The following KIF13B variants were observed in gnomAD, a reference collection of about 807,000 sequenced individuals.
KIF13B encodes kinesin family member 13B, also known as kinesin-like protein KIF13B.
Under a neutral mutation model 222.0 loss-of-function variants are expected in KIF13B, and 127 were observed. That is an observed-to-expected ratio of 0.57 (90% CI 0.50 to 0.66). The LOEUF (loss-of-function observed/expected upper bound fraction) is 0.66. KIF13B is among the 30% of genes least tolerant of loss of function. The pLI, the probability that KIF13B is intolerant of heterozygous loss-of-function variation, is 0.00. For synonymous variants in KIF13B, 976 were observed against 919.0 expected, an observed-to-expected ratio of 1.06 and a Z score of -1.12; for missense variants, 2,173 against 2,379.0, an observed-to-expected ratio of 0.91 and a Z score of 1.80.
intron 6 of KIF13B, 91 bp from the exon 7 acceptor site, chr8:29,182,097 CAAGA>C (rs1812738088): frequency 1.1e-6 from 1 of 909,194 alleles, no homozygotes; most frequent in African/African-American, 1.7e-5. Context: ...ACAATGAATC[CAAGA>C]AAGACCCCAA....
chr8:29,181,607 G>A (rs1812715848), intron 7 of KIF13B, among the ~76,000 whole-genome samples: 1 of 152,114 alleles, frequency 6.6e-6, no homozygotes, highest in African/African-American at 2.4e-5. Context: ...AACTGCAAAA[G>A]GAAGTATAAG....
chr8:29,077,401 T>C (rs1312603205), intron 37 of KIF13B, among the ~76,000 whole-genome samples: 2 of 152,252 alleles, frequency 1.3e-5, no homozygotes, highest in African/African-American at 2.4e-5. Context: ...TTTCTGCCTA[T>C]AGTATTTAAC....
chr8:29,204,104 G>A (rs1467503404), intron 2 of KIF13B, among the ~76,000 whole-genome samples: 1 of 152,036 alleles, frequency 6.6e-6, no homozygotes, highest in African/African-American at 2.4e-5. Flanking sequence ...TTATTTAAAT[G>A]TAGAAAAAAG....
Position 29,148,629 on chromosome 8 carries a change from A to T in KIF13B, c.1761T>A (p.Phe587Leu). 1 of 1,612,822 alleles carries T rather than the reference A, an allele frequency of 6.2e-7. No individual in the cohort carries two copies. The highest frequency in any genetic ancestry group is 8.5e-7 in the Non-Finnish European group (1 of 1,179,442). The change falls in exon 16 of 40, where the codon TTT becomes TTA. Residue 587 changes from phenylalanine (F) to leucine (L), a missense_variant. By Grantham distance (22) the Phe-to-Leu change is conservative. Around this residue, in one of 2 missense-constraint regions of KIF13B, gnomAD observed 1,480 missense variants for 1,722.8 expected, o/e 0.86. Coordinates refer to ENST00000524189, the MANE Select transcript of KIF13B (RefSeq NM_015254.4). The part of the protein sequence containing the change: ...SSSEVSSEVN[F>L]NYEYAQMEVT... ...CCTCCATCTGTGCGTATTCGTAATT[A>T]AAGTTAACTTCACTGGACACCTCGC...
rs1027646365 is a variant in KIF13B at position 29,174,964 on chromosome 8, T to C, written c.945+1104A>G. On this transcript the variant is annotated intron_variant, in intron 10 of 39. Coordinates refer to ENST00000524189, the MANE Select transcript of KIF13B (RefSeq NM_015254.4). ...ATGCTATGGACTAAATCAGTAACTA[T>C]GTCCTCTACTAAGCTACTGGGGCGG... 2.6e-5 allele frequency among the ~76,000 whole-genome samples: 4 copies of C among 152,312 alleles called. No individual in the cohort carries two copies. The South Asian group carries it at 8.3e-4, about 32-fold the overall frequency.
At chr8:29,089,308 G>A (rs1333693292) in intron 37 of KIF13B, among the ~76,000 whole-genome samples, 1 of 152,084 alleles carries the variant, frequency 6.6e-6, no homozygotes, top group African/African-American at 2.4e-5. Context: ...GCGTGATGGA[G>A]CGCACTTGTA....
chr8:29,084,433 T>C (rs1252182759), intron 37 of KIF13B, among the ~76,000 whole-genome samples: 1 of 152,212 alleles, frequency 6.6e-6, no homozygotes, highest in Non-Finnish European at 1.5e-5. Context: ...TCAATTAGCA[T>C]CAGAGATGGG....
intron 1 of KIF13B, among the ~76,000 whole-genome samples, chr8:29,259,816 T>C (rs1209720215): frequency 6.6e-6 from 1 of 152,254 alleles, no homozygotes; most frequent in Non-Finnish European, 1.5e-5. Context: ...AAACAAACGA[T>C]ATCTGCAAAT....
At chr8:29,220,499 C>T (rs34702613) in intron 2 of KIF13B, among the ~76,000 whole-genome samples, 4,463 of 151,924 alleles carry the variant, frequency 0.029, 98 homozygotes, top group Non-Finnish European at 0.048. Context: ...GGGAAGGCGA[C>T]AGCTGGTTTG....
At chr8:29,175,896 A>G (rs918956642) in intron 10 of KIF13B, among the ~76,000 whole-genome samples, 172 bp downstream of exon 10, 5 of 152,214 alleles carry the variant, frequency 3.3e-5, no homozygotes, top group Non-Finnish European at 7.3e-5. Flanking sequence ...ATTGCTAGGA[A>G]AAAACCTACG....
At chr8:29,166,057 G>T (rs2291456) in intron 11 of KIF13B, among the ~76,000 whole-genome samples, 2 of 152,060 alleles carry the variant, frequency 1.3e-5, no homozygotes, top group Middle Eastern at 3.4e-3. Flanking sequence ...AGCTTCTAAG[G>T]GTTTATCTTT....
chr8:29,208,396 T>C (rs1238324169), intron 2 of KIF13B, among the ~76,000 whole-genome samples: 2 of 152,218 alleles, frequency 1.3e-5, no homozygotes, highest in Admixed American at 6.5e-5. Flanking sequence ...AAAGATAAAA[T>C]TGTTAAATCT....
At chr8:29,210,151 G>A (rs1313094095) in intron 2 of KIF13B, among the ~76,000 whole-genome samples, 1 of 152,020 alleles carries the variant, frequency 6.6e-6, no homozygotes, top group Non-Finnish European at 1.5e-5. Flanking sequence ...GGGAAGAAAT[G>A]GGAAATATAA....
intron 2 of KIF13B, among the ~76,000 whole-genome samples, chr8:29,204,660 C>A (rs1464126046): frequency 6.6e-6 from 1 of 152,168 alleles, no homozygotes; most frequent in Non-Finnish European, 1.5e-5. Context: ...AATACACACT[C>A]ATTTTAATCA....
At chr8:29,114,922 A>AGT (rs1390044228) in intron 31 of KIF13B, among the ~76,000 whole-genome samples, 2 of 152,208 alleles carry the variant, frequency 1.3e-5, no homozygotes, top group Non-Finnish European at 2.9e-5. Flanking sequence ...CCTCATGAGC[A>AGT]GTGTGTCTTT....
chr8:29,079,279 C>T (rs1229612742), intron 37 of KIF13B, among the ~76,000 whole-genome samples: 1 of 152,210 alleles, frequency 6.6e-6, no homozygotes, highest in Non-Finnish European at 1.5e-5. Flanking sequence ...AGTCTCTGCT[C>T]ATGCATGATC....
intron 12 of KIF13B, among the ~76,000 whole-genome samples, chr8:29,161,707 C>CT (rs559480079): frequency 6.7e-6 from 1 of 150,072 alleles, no homozygotes; most frequent in Non-Finnish European, 1.5e-5. Flanking sequence ...AAACCCCCCC[C>CT]CAAAAAAAAA....
intron 13 of KIF13B, among the ~76,000 whole-genome samples, chr8:29,158,375 G>C (rs572108590): frequency 2.0e-5 from 3 of 152,256 alleles, no homozygotes; most frequent in African/African-American, 7.2e-5. Flanking sequence ...GTTAAGCAGG[G>C]ATAGCATCTC....
chr8:29,113,332 C>T (rs1809443363), intron 32 of KIF13B, 131 bp downstream of exon 32: 2 of 537,358 alleles, frequency 3.7e-6, no homozygotes, highest in Admixed American at 3.6e-5. Flanking sequence ...TTAGAAAATT[C>T]CTCTAAAAAT....
Sources: gnomAD v4.1 joint callset for allele counts (sites outside exome capture counted in the v4.1 genomes callset) on GRCh38, gnomAD v4.1.1 for gene constraint, gnomAD v4.1.1 regional missense constraint, MANE v1.5 for transcripts, NCBI Gene and HGNC (gene_info 2026-07-23, HGNC 2026-07-21) for gene names.